PLXDC2: variants seen among roughly 807,000 people sequenced by gnomAD.
PLXDC2 encodes the protein plexin domain containing 2, also known as plexin domain-containing protein 2.
Under a neutral mutation model 68.9 loss-of-function variants are expected in PLXDC2, and 40 were observed. That is an observed-to-expected ratio of 0.58 (90% CI 0.45 to 0.76). PLXDC2 has a LOEUF of 0.76. PLXDC2 is among the 30% of genes least tolerant of loss of function. The probability of loss-of-function intolerance (pLI) is 0.00; values close to 1 mark genes in which losing one functional copy is unlikely to be tolerated. For synonymous variants in PLXDC2, 243 were observed against 234.2 expected (o/e 1.04, Z -0.34); for missense variants, 644 against 661.9 (o/e 0.97, Z 0.30).
At chr10:20,182,183 T>A (rs1007101794) in intron 9 of PLXDC2, among the ~76,000 whole-genome samples, 1 of 151,392 alleles carries the variant, frequency 6.6e-6, no homozygotes, top group African/African-American at 2.4e-5. Context: ...AAAGCGTAAA[T>A]TCCCATGTAA....
intron 1 of PLXDC2, among the ~76,000 whole-genome samples, chr10:19,980,702 C>A (rs564964282): frequency 9.9e-5 from 15 of 152,144 alleles, no homozygotes; most frequent in African/African-American, 3.6e-4. Context: ...AGAGAGAACA[C>A]GTGCGATCTG....
At chr10:20,101,674 A>G (rs919360903) in intron 4 of PLXDC2, among the ~76,000 whole-genome samples, 25 of 152,230 alleles carry the variant, frequency 1.6e-4, no homozygotes, top group African/African-American at 5.8e-4. Context: ...TCTTAAGGCC[A>G]TTGACTGACC....
intron 1 of PLXDC2, among the ~76,000 whole-genome samples, chr10:19,908,529 G>A: frequency 6.6e-6 from 1 of 152,158 alleles, no homozygotes; most frequent in East Asian, 1.9e-4. Flanking sequence ...CATAGGAGTT[G>A]AATTGTCCTT....
chr10:19,882,238 C>T (rs921210513), intron 1 of PLXDC2, among the ~76,000 whole-genome samples: 1 of 152,200 alleles, frequency 6.6e-6, no homozygotes, highest in Non-Finnish European at 1.5e-5. Context: ...AAACATTTCA[C>T]TTATGTTTAT....
chr10:20,239,843 C>G (rs1835491784), intron 12 of PLXDC2, among the ~76,000 whole-genome samples: 2 of 152,140 alleles, frequency 1.3e-5, no homozygotes, highest in Non-Finnish European at 2.9e-5. Context: ...GCAGTCTTCC[C>G]TAGAGGTGAA....
intron 4 of PLXDC2, among the ~76,000 whole-genome samples, chr10:20,071,855 T>G (rs1836321319): frequency 6.6e-6 from 1 of 152,118 alleles, no homozygotes; most frequent in African/African-American, 2.4e-5. Context: ...GGTAGAATTT[T>G]AGTAGGCAAA....
chr10:19,820,422 G>A (rs1057151974), intron 1 of PLXDC2, among the ~76,000 whole-genome samples: 59 of 151,546 alleles, frequency 3.9e-4, no homozygotes, highest in Non-Finnish European at 7.7e-4. Context: ...ATGAGGTCAG[G>A]AGATCGAGAC....
At chr10:20,058,379 A>C (rs1223087495) in intron 3 of PLXDC2, among the ~76,000 whole-genome samples, 9 of 152,146 alleles carry the variant, frequency 5.9e-5, no homozygotes. Flanking sequence ...TCACTTTGCC[A>C]ACTGTGAGGT....
intron 10 of PLXDC2, among the ~76,000 whole-genome samples, chr10:20,214,833 GTTCATTGA>G (rs1835114950): frequency 6.6e-6 from 1 of 152,096 alleles, no homozygotes; most frequent in African/African-American, 2.4e-5. Context: ...ACTAGGTCCT[GTTCATTGA>G]CAGTAGAAAC....
At chr10:19,895,370 G>T (rs551474454) in intron 1 of PLXDC2, among the ~76,000 whole-genome samples, 4 of 152,112 alleles carry the variant, frequency 2.6e-5, no homozygotes, top group East Asian at 1.9e-4. Flanking sequence ...GATGAAAACC[G>T]CAAAAGTGAG....
chr10:20,085,912 T>TA (rs766209020), intron 4 of PLXDC2, among the ~76,000 whole-genome samples: 12 of 152,210 alleles, frequency 7.9e-5, no homozygotes, highest in African/African-American at 2.4e-4. Flanking sequence ...TTAGAGGTTT[T>TA]AGGCATAAAT....
chr10:20,203,873 A>T (rs1834955059), intron 9 of PLXDC2, among the ~76,000 whole-genome samples: 1 of 152,208 alleles, frequency 6.6e-6, no homozygotes, highest in Non-Finnish European at 1.5e-5. Context: ...TATTCTGCAG[A>T]TAACTATTCT....
intron 3 of PLXDC2, among the ~76,000 whole-genome samples, chr10:20,063,648 G>A (rs553535947): frequency 1.3e-5 from 2 of 152,234 alleles, no homozygotes; most frequent in South Asian, 4.2e-4. Context: ...ATTAACATAG[G>A]AAAAATATGT....
intron 1 of PLXDC2, among the ~76,000 whole-genome samples, chr10:19,924,390 A>G (rs1413955090): frequency 4.6e-5 from 7 of 152,112 alleles, no homozygotes; most frequent in Admixed American, 2.6e-4. Flanking sequence ...ACTCTCCTTT[A>G]TATATATACC....
chr10:20,125,409 C>T (rs1833759484), intron 4 of PLXDC2, among the ~76,000 whole-genome samples: 1 of 152,266 alleles, frequency 6.6e-6, no homozygotes, highest in Admixed American at 6.5e-5. Context: ...AAAGCTTGAA[C>T]AAAATCCAAC....
intron 1 of PLXDC2, among the ~76,000 whole-genome samples, chr10:19,977,164 A>C (rs1463194458): frequency 2.0e-5 from 3 of 152,142 alleles, no homozygotes; most frequent in African/African-American, 7.2e-5. Context: ...GTGAAATGGG[A>C]TGCTAGAAAG....
At chr10:20,210,924 TGTGACTA>T (rs1193231729) in intron 9 of PLXDC2, among the ~76,000 whole-genome samples, 1 of 152,184 alleles carries the variant, frequency 6.6e-6, no homozygotes, top group African/African-American at 2.4e-5. Context: ...AGAATGCCCT[TGTGACTA>T]ATCTTATCTT....
chr10:20,068,235 C>CG lies in PLXDC2; in HGVS notation c.541+1dup. On this transcript the variant is annotated frameshift_variant, in exon 4 of 14. Transcript: ENST00000377252. LOFTEE classifies it high-confidence loss of function. Reference sequence around the variant, plus strand: ...TCCTACGTGAAATCACTGTGGCAACCGGGGGTAAGTGGTTTTCTACCCATT... The same window carrying CG: ...TCCTACGTGAAATCACTGTGGCAACCGGGGGGTAAGTGGTTTTCTACCCATT... The CG allele has an allele frequency of 6.2e-7, 1 of 1,610,886 alleles. No homozygotes were observed. The highest frequency in any genetic ancestry group is 2.2e-5 in the East Asian group (1 of 44,770).
rs548991212 is a variant in PLXDC2, at chr10:20,132,531, A to G, written c.542-10764A>G. ...TTTGCTTTATATATTTATGTTCTTA[A>G]TATTGAGGGCATAACTATTTACAAT... On this transcript the variant is annotated intron_variant, in intron 4 of 13. Coordinates refer to ENST00000377252, the MANE Select transcript of PLXDC2 (RefSeq NM_032812.9). Among the ~76,000 whole-genome samples the G allele has an allele frequency of 2.6e-5, 4 of 152,162 alleles. No individual in the cohort carries two copies. In the South Asian group the frequency reaches 8.3e-4, roughly 32 times the overall value.
Sources: gnomAD v4.1 joint callset for allele counts (sites outside exome capture counted in the v4.1 genomes callset) on GRCh38, gnomAD v4.1.1 for gene constraint, MANE v1.5 for transcripts, NCBI Gene and HGNC (gene_info 2026-07-23, HGNC 2026-07-21) for gene names.